The following INPP4B variants were observed in gnomAD, a reference collection of about 807,000 sequenced individuals.
The protein encoded by INPP4B is inositol polyphosphate 4-phosphatase type II.
Under a neutral mutation model 122.5 loss-of-function variants are expected in INPP4B, and 55 were observed. The observed-to-expected ratio is 0.45, with a 90% confidence interval of 0.36 to 0.56. INPP4B has a LOEUF of 0.56. Ranked by LOEUF, INPP4B falls within the 20% of genes least tolerant of loss-of-function variation. The probability of loss-of-function intolerance (pLI) is 0.00; values close to 1 mark genes in which losing one functional copy is unlikely to be tolerated. For synonymous variants in INPP4B, 403 were observed against 388.7 expected (o/e 1.04, Z -0.43); for missense variants, 1,000 against 1,097.7 (o/e 0.91, Z 1.26).
At chr4:142,802,652 T>C (rs1778149609) in intron 1 of INPP4B, among the ~76,000 whole-genome samples, 1 of 152,178 alleles carries the variant, frequency 6.6e-6, no homozygotes, top group Non-Finnish European at 1.5e-5. Flanking sequence ...AGAACTCGCC[T>C]ACTAAAATGG....
intron 2 of INPP4B, among the ~76,000 whole-genome samples, chr4:142,594,114 T>TA (rs1025401594): frequency 6.6e-6 from 1 of 152,210 alleles, no homozygotes; most frequent in Non-Finnish European, 1.5e-5. Flanking sequence ...AACATGAGAA[T>TA]AAAAATATTA....
intron 2 of INPP4B, among the ~76,000 whole-genome samples, chr4:142,682,929 A>C (rs1468511128): frequency 6.6e-6 from 1 of 151,992 alleles, no homozygotes; most frequent in Non-Finnish European, 1.5e-5. Context: ...ATGCATTGTA[A>C]CAATTATATA....
intron 16 of INPP4B, among the ~76,000 whole-genome samples, chr4:142,173,417 C>G (rs1826490356): frequency 6.7e-6 from 1 of 149,274 alleles, no homozygotes; most frequent in South Asian, 2.1e-4. Context: ...GGTTTCATTT[C>G]CTACTAAGAA....
chr4:142,277,152 C>T (rs1337767310), intron 9 of INPP4B, among the ~76,000 whole-genome samples: 4 of 148,616 alleles, frequency 2.7e-5, no homozygotes, highest in Non-Finnish European at 5.9e-5. Flanking sequence ...CTATTCATGT[C>T]CTTAGCCCAC....
At chr4:142,119,879 T>G (rs1042447312) in intron 21 of INPP4B, among the ~76,000 whole-genome samples, 1 of 147,148 alleles carries the variant, frequency 6.8e-6, no homozygotes, top group Admixed American at 6.9e-5. Context: ...TATATACATA[T>G]ATACGTATAT....
intron 2 of INPP4B, among the ~76,000 whole-genome samples, chr4:142,700,464 C>T (rs946379990): frequency 2.0e-5 from 3 of 152,054 alleles, no homozygotes; most frequent in Non-Finnish European, 4.4e-5. Context: ...AAGATGAAAC[C>T]AGTCAATCAG....
chr4:142,703,052 C>T (rs1054523767), intron 2 of INPP4B, among the ~76,000 whole-genome samples: 6 of 152,172 alleles, frequency 3.9e-5, no homozygotes, highest in Non-Finnish European at 5.9e-5. Flanking sequence ...TCTATCAGCT[C>T]GATTTCCTCA....
chr4:142,240,680 T>G (rs746968461), intron 11 of INPP4B, among the ~76,000 whole-genome samples: 3 of 152,166 alleles, frequency 2.0e-5, no homozygotes, highest in Non-Finnish European at 4.4e-5. Context: ...TATAATGGAA[T>G]CTACTTTGCA....
At chr4:142,521,835 C>CTA (rs1826114710) in intron 2 of INPP4B, among the ~76,000 whole-genome samples, 1 of 152,030 alleles carries the variant, frequency 6.6e-6, no homozygotes, top group African/African-American at 2.4e-5. Context: ...TGTGGTATAT[C>CTA]TATGATAATG....
intron 3 of INPP4B, among the ~76,000 whole-genome samples, chr4:142,444,325 C>T (rs990460754): frequency 5.9e-5 from 9 of 152,040 alleles, no homozygotes; most frequent in Non-Finnish European, 1.5e-5. Context: ...CAACAAACAA[C>T]CCCATCAAAA....
chr4:142,291,818 T>C (rs1484187192), intron 9 of INPP4B, among the ~76,000 whole-genome samples: 1 of 152,244 alleles, frequency 6.6e-6, no homozygotes, highest in African/African-American at 2.4e-5. Context: ...TTTTCTTCAC[T>C]TAGCCCTGAA....
At chr4:142,081,450 C>A (rs146556803) in intron 25 of INPP4B, among the ~76,000 whole-genome samples, 1 of 152,096 alleles carries the variant, frequency 6.6e-6, no homozygotes, top group Non-Finnish European at 1.5e-5. Context: ...TTTTAAATGT[C>A]GGCAGAGTAA....
intron 15 of INPP4B, among the ~76,000 whole-genome samples, chr4:142,187,848 G>A (rs1833854100): frequency 6.6e-6 from 1 of 151,964 alleles, no homozygotes; most frequent in African/African-American, 2.4e-5. Flanking sequence ...CACTGGCCTC[G>A]GCCTCCCAAA....
chr4:142,208,975 C>T lies in INPP4B; in HGVS notation c.888G>A (p.Leu296=), dbSNP rs769337526. 5 of 1,605,822 alleles carry T rather than the reference C, an allele frequency of 3.1e-6. No individual in the cohort carries two copies. The highest frequency in any genetic ancestry group is 4.3e-6 in the Non-Finnish European group (5 of 1,174,752). The change falls in exon 13 of 26, where the codon CTG becomes CTA. Residue 296 remains leucine (L), a synonymous_variant. Transcript: ENST00000262992. ...LGELSPHWDN[L]RKNVLTHCDQ... is the part of the protein sequence containing the mutation. ...CACAGTGAGTAAGGACATTTTTTCGCAGATTGTCCCAATGTGGAGAAAGCT... is the reference window on the plus strand; with the variant it reads ...CACAGTGAGTAAGGACATTTTTTCGTAGATTGTCCCAATGTGGAGAAAGCT...
Position 142,318,220 on chromosome 4 carries a change from G to T in INPP4B, c.373-3458C>A, listed in dbSNP as rs9654255. Reference sequence around the variant, plus strand: ...AGAACAAAGTGTGTGAGAAAGAAATGGGGGGAAGAGAGAAAATGAAGAGGA... The same window carrying T: ...AGAACAAAGTGTGTGAGAAAGAAATTGGGGGAAGAGAGAAAATGAAGAGGA... On this transcript the variant is annotated intron_variant, in intron 7 of 25. Coordinates refer to ENST00000262992, the MANE Select transcript of INPP4B (RefSeq NM_001101669.3). Among the ~76,000 whole-genome samples, 559 of 152,076 alleles carry T rather than the reference G, an allele frequency of 3.7e-3. 1 individual carries two copies. Among genetic ancestry groups the T allele is most frequent in the African/African-American group, 0.013 (531 of 41,478 alleles).
At chr4:142,221,631 C>A (rs1269610104) in intron 12 of INPP4B, among the ~76,000 whole-genome samples, 1 of 151,468 alleles carries the variant, frequency 6.6e-6, no homozygotes, top group Non-Finnish European at 1.5e-5. Flanking sequence ...TACTATGGCT[C>A]TTTTTAAATA....
chr4:142,279,849 T>C (rs1481599757), intron 9 of INPP4B, among the ~76,000 whole-genome samples: 2 of 151,888 alleles, frequency 1.3e-5, no homozygotes, highest in Non-Finnish European at 2.9e-5. Context: ...ATCACATATC[T>C]AACAAAGAAC....
At chr4:142,288,890 G>A (rs1332312450) in intron 9 of INPP4B, among the ~76,000 whole-genome samples, 1 of 152,064 alleles carries the variant, frequency 6.6e-6, no homozygotes, top group African/African-American at 2.4e-5. Context: ...TACATTCTTG[G>A]TATTCTGGTG....
intron 2 of INPP4B, among the ~76,000 whole-genome samples, chr4:142,527,546 C>A (rs539339160): frequency 2.0e-5 from 3 of 152,058 alleles, no homozygotes; most frequent in African/African-American, 7.2e-5. Flanking sequence ...TGATAAGCAA[C>A]GTTAATTATA....
Sources: gnomAD v4.1 joint callset for allele counts (sites outside exome capture counted in the v4.1 genomes callset) on GRCh38, gnomAD v4.1.1 for gene constraint, MANE v1.5 for transcripts, NCBI Gene and HGNC (gene_info 2026-07-23, HGNC 2026-07-21) for gene names.